The following PRKAR1B variants were observed in gnomAD, a reference collection of about 807,000 sequenced individuals.
PRKAR1B encodes protein kinase cAMP-dependent type I regulatory subunit beta.
A neutral mutation model predicts 46.5 loss-of-function variants in PRKAR1B; 22 were observed. The ratio of observed to expected loss-of-function variants is 0.47; its 90% CI spans 0.34 to 0.68. The LOEUF (loss-of-function observed/expected upper bound fraction) is 0.68, where lower values mean the gene tolerates loss of function less well. Ranked by LOEUF, PRKAR1B falls within the 30% of genes least tolerant of loss-of-function variation. The probability of loss-of-function intolerance (pLI) is 0.01; values close to 1 mark genes in which losing one functional copy is unlikely to be tolerated. For missense variants in PRKAR1B, 445 were observed against 535.6 expected (o/e 0.83, Z 1.67); for synonymous variants, 259 against 217.7 (o/e 1.19, Z -1.67).
At chr7:637,475 AG>A (rs1356423096) in intron 4 of PRKAR1B, among the ~76,000 whole-genome samples, 30 of 152,188 alleles carry the variant, frequency 2.0e-4, no homozygotes, top group Non-Finnish European at 4.4e-5. Flanking sequence ...TTTAAACCTA[AG>A]GAAAAAATAA....
At chr7:654,702 TCAC>T (rs1366042746) in intron 4 of PRKAR1B, among the ~76,000 whole-genome samples, 3 of 3,700 alleles carry the variant, frequency 8.1e-4, no homozygotes, top group African/African-American at 3.1e-3. Flanking sequence ...ACCTTCACCA[TCAC>T]CATCATCACC....
At chr7:685,621 A>G (rs569214924) in intron 2 of PRKAR1B, among the ~76,000 whole-genome samples, 1 of 151,732 alleles carries the variant, frequency 6.6e-6, no homozygotes, top group South Asian at 2.1e-4. Flanking sequence ...AAGCTCCCAT[A>G]GAGAAAAGTC....
At chr7:695,009 G>A (rs1189010835) in intron 2 of PRKAR1B, among the ~76,000 whole-genome samples, 1 of 150,044 alleles carries the variant, frequency 6.7e-6, no homozygotes, top group African/African-American at 2.5e-5. Context: ...CCAGCCTGGG[G>A]GACAGAGCAA....
At chr7:606,885 CAT>C (rs912486236) in intron 5 of PRKAR1B, among the ~76,000 whole-genome samples, 36 of 150,640 alleles carry the variant, frequency 2.4e-4, no homozygotes, top group Admixed American at 9.9e-4. Context: ...TATACACACA[CAT>C]ATGTATATAT....
At chr7:611,777 G>C (rs1782507718) in intron 4 of PRKAR1B, among the ~76,000 whole-genome samples, 1 of 151,890 alleles carries the variant, frequency 6.6e-6, no homozygotes, top group Non-Finnish European at 1.5e-5. Context: ...TGAATGGATG[G>C]ATGGATGGAT....
At chr7:625,007 T>C (rs1406510534) in intron 4 of PRKAR1B, among the ~76,000 whole-genome samples, 4 of 152,202 alleles carry the variant, frequency 2.6e-5, no homozygotes, top group African/African-American at 9.6e-5. Context: ...GAAAACATTC[T>C]GGGCCATAAA....
At chr7:591,168 G>A (rs1390067016) in intron 7 of PRKAR1B, among the ~76,000 whole-genome samples, 1 of 152,174 alleles carries the variant, frequency 6.6e-6, no homozygotes, top group African/African-American at 2.4e-5. Context: ...GGCTGCCAGG[G>A]GCCCCCGGGG....
At chr7:601,611 C>A (rs1452669111) in intron 6 of PRKAR1B, among the ~76,000 whole-genome samples, 1 of 152,166 alleles carries the variant, frequency 6.6e-6, no homozygotes, top group Non-Finnish European at 1.5e-5. Flanking sequence ...AGCTCCTGCG[C>A]CCGGCCCCGC....
rs1030267668 is a variant in PRKAR1B, at chr7:581,720, AT to A, written c.770-2344del. Among the ~76,000 whole-genome samples the A allele has an allele frequency of 6.5e-3, 968 of 149,246 alleles. 10 individuals are homozygous for A. Among genetic ancestry groups the A allele is most frequent in the African/African-American group, 0.022 (905 of 40,706 alleles). ...ACAGGGAGATGGCACTTTTGGCCCC[AT>A]TTTTTTTTTCAAGAGACAGGGTCTC... On this transcript the variant is annotated intron_variant, in intron 8 of 10. Transcript: ENST00000537384.
chr7:595,509 G>C (rs1781221331), intron 7 of PRKAR1B, among the ~76,000 whole-genome samples: 1 of 152,160 alleles, frequency 6.6e-6, no homozygotes. Context: ...TGTGTGCGGG[G>C]AGGGCGTGGA....
At chr7:675,831 A>T (rs564779661) in intron 4 of PRKAR1B, among the ~76,000 whole-genome samples, 2 of 152,290 alleles carry the variant, frequency 1.3e-5, no homozygotes, top group East Asian at 3.9e-4. Context: ...CTGTAATCCC[A>T]GATACTCAGG....
At chr7:698,057 G>GGGAGGGGAGGGGAGGGAAGGGAGC in intron 2 of PRKAR1B, among the ~76,000 whole-genome samples, 1 of 83,310 alleles carries the variant, frequency 1.2e-5, no homozygotes, top group Admixed American at 1.2e-4. Context: ...GGGAAGGGAA[G>GGGAGGGGAGGGGAGGGAAGGGAGC]GGAGGGGAGG....
In PRKAR1B at chr7:607,767, A is replaced by G. The variant is rs184296905; in HGVS notation, c.441-315T>C. 16 of 288,450 alleles carry G rather than the reference A, an allele frequency of 5.5e-5. No homozygotes were observed. The East Asian group carries it at 1.3e-3, about 23-fold the overall frequency. 17.9% of individuals were successfully genotyped at this position (288,450 alleles called of 1,614,324 possible). A position where few individuals can be genotyped will look rare whatever the true frequency, so the allele number is the denominator to read the frequency against. Reference sequence around the variant, plus strand: ...AACTCCATTTAGAAAAACAAAAGTAACAATAGATTGTGAACATTCTCCCAT... The same window carrying G: ...AACTCCATTTAGAAAAACAAAAGTAGCAATAGATTGTGAACATTCTCCCAT... On this transcript the variant is annotated intron_variant, in intron 4 of 10. Transcript: ENST00000537384.
chr7:727,098 C>T, intron 1 of PRKAR1B, 112 bp downstream of exon 1: 1 of 1,071,284 alleles, frequency 9.3e-7, no homozygotes, highest in Non-Finnish European at 1.1e-6. Flanking sequence ...CGCGCTTGGC[C>T]GGCCCCGTGC....
intron 6 of PRKAR1B, among the ~76,000 whole-genome samples, chr7:601,894 G>A (rs1449936564): frequency 6.6e-6 from 1 of 152,094 alleles, no homozygotes; most frequent in Non-Finnish European, 1.5e-5. Flanking sequence ...GGGGGGCTGG[G>A]GAGGGGTAGG....
At chr7:555,239 T>A (rs1365821055) in intron 9 of PRKAR1B, among the ~76,000 whole-genome samples, 1 of 152,176 alleles carries the variant, frequency 6.6e-6, no homozygotes. Flanking sequence ...GGATTGGGAT[T>A]CTGCCGGCAA....
chr7:596,721 G>C (rs566138269), intron 6 of PRKAR1B, among the ~76,000 whole-genome samples: 3 of 152,354 alleles, frequency 2.0e-5, no homozygotes, highest in African/African-American at 7.2e-5. Flanking sequence ...TGATGAGCTG[G>C]AGCCTGTGAT....
chr7:726,566 C>A, intron 1 of PRKAR1B: 2 of 502,004 alleles, frequency 4.0e-6, no homozygotes, highest in Non-Finnish European at 6.0e-6. Flanking sequence ...AGGGGGACAG[C>A]GGGCGAGCAC....
At chr7:659,328 C>A (rs1785376184) in intron 4 of PRKAR1B, among the ~76,000 whole-genome samples, 1 of 152,134 alleles carries the variant, frequency 6.6e-6, no homozygotes, top group Non-Finnish European at 1.5e-5. Context: ...GGGGTCTGGC[C>A]TGAAGGAGAT....
Sources: allele counts gnomAD v4.1 joint callset (sites outside exome capture counted in the v4.1 genomes callset), GRCh38; gene constraint gnomAD v4.1.1; transcripts MANE v1.5; gene names NCBI Gene and HGNC (gene_info 2026-07-23, HGNC 2026-07-21).